The following EXOC6B variants were observed in gnomAD, a reference collection of about 807,000 sequenced individuals.
EXOC6B encodes the protein SEC15 homolog B.
In EXOC6B, 54 loss-of-function variants were observed where a neutral mutation model predicts 113.5. The observed-to-expected ratio is 0.48, with a 90% CI of 0.38 to 0.60. EXOC6B has a LOEUF of 0.60. EXOC6B is among the 20% of genes least tolerant of loss of function. EXOC6B has a pLI of 0.00. For missense variants in EXOC6B, 797 were observed against 977.5 expected, an observed-to-expected ratio of 0.82 and a Z score of 2.46; for synonymous variants, 357 against 339.0, an observed-to-expected ratio of 1.05 and a Z score of -0.58.
intron 20 of EXOC6B, among the ~76,000 whole-genome samples, chr2:72,216,628 A>G (rs1259776701): frequency 6.6e-6 from 1 of 152,206 alleles, no homozygotes; most frequent in African/African-American, 2.4e-5. Context: ...CACTATTCCA[A>G]TAGCAAAGAC....
intron 6 of EXOC6B, among the ~76,000 whole-genome samples, chr2:72,588,752 A>G (rs2103916063): frequency 6.6e-6 from 1 of 152,136 alleles, no homozygotes; most frequent in South Asian, 2.1e-4. Flanking sequence ...TCCAGATTAT[A>G]ATTAAATATT....
intron 1 of EXOC6B, among the ~76,000 whole-genome samples, chr2:72,766,170 G>A (rs1240076875): frequency 6.6e-6 from 1 of 152,188 alleles, no homozygotes; most frequent in Admixed American, 6.5e-5. Context: ...TGGAATGTCT[G>A]GAGGACAATA....
chr2:72,277,610 G>C (rs1026841142), intron 20 of EXOC6B, among the ~76,000 whole-genome samples: 1 of 151,894 alleles, frequency 6.6e-6, no homozygotes, highest in East Asian at 1.9e-4. Context: ...TTGTGCCTCA[G>C]CTTCCTGAGT....
intron 8 of EXOC6B, among the ~76,000 whole-genome samples, chr2:72,534,243 G>A (rs1399106833): frequency 1.3e-5 from 2 of 152,002 alleles, no homozygotes; most frequent in African/African-American, 4.8e-5. Context: ...TAATGAGCAT[G>A]TTATAACTTT....
chr2:72,520,601 T>G (rs1701433936), intron 8 of EXOC6B, among the ~76,000 whole-genome samples: 1 of 152,208 alleles, frequency 6.6e-6, no homozygotes, highest in Non-Finnish European at 1.5e-5. Context: ...GGTTTGCATT[T>G]AGCCCATTCA....
intron 20 of EXOC6B, among the ~76,000 whole-genome samples, chr2:72,264,112 C>A (rs1165861033): frequency 1.3e-5 from 2 of 152,198 alleles, no homozygotes; most frequent in Non-Finnish European, 2.9e-5. Flanking sequence ...ATGTCATATA[C>A]TGTATGCTCA....
At chr2:72,607,781 A>T (rs958111377) in intron 6 of EXOC6B, among the ~76,000 whole-genome samples, 1 of 152,146 alleles carries the variant, frequency 6.6e-6, no homozygotes, top group African/African-American at 2.4e-5. Context: ...TGGGTCAGTT[A>T]AACAGATATG....
chr2:72,317,331 T>A (rs1687580057), intron 20 of EXOC6B, among the ~76,000 whole-genome samples: 1 of 152,030 alleles, frequency 6.6e-6, no homozygotes, highest in South Asian at 2.1e-4. Flanking sequence ...AACCTATCGA[T>A]ACCTCCCTCT....
chr2:72,372,723 T>A (rs1288074347), intron 19 of EXOC6B, among the ~76,000 whole-genome samples: 3 of 152,060 alleles, frequency 2.0e-5, no homozygotes, highest in Non-Finnish European at 2.9e-5. Flanking sequence ...CACACACCTG[T>A]AGTCCCAGCT....
At position 72,718,325 on chromosome 2, in the gene EXOC6B, C is replaced by T. The variant is rs755952036; in HGVS notation, c.465-18G>A. The T allele has an allele frequency of 6.2e-7, 1 of 1,610,858 alleles. No homozygotes were observed. The highest frequency in any genetic ancestry group is 8.5e-7 in the Non-Finnish European group (1 of 1,177,610). On this transcript the variant is annotated intron_variant, in intron 5 of 21. Transcript: ENST00000272427. ...GATAATGCCTACAAAAGGAATTGAT[C>T]ACCTTTAGCTCACTCAGTTTTCTTT...
At chr2:72,686,937 G>A (rs1004994571) in intron 6 of EXOC6B, among the ~76,000 whole-genome samples, 1 of 152,056 alleles carries the variant, frequency 6.6e-6, no homozygotes, top group African/African-American at 2.4e-5. Flanking sequence ...AGGAGATGGA[G>A]ACCATCCTGC....
chr2:72,623,201 TCTC>T (rs1188798767), intron 6 of EXOC6B, among the ~76,000 whole-genome samples: 2 of 152,132 alleles, frequency 1.3e-5, no homozygotes, highest in Non-Finnish European at 2.9e-5. Flanking sequence ...TCCTGAGTAT[TCTC>T]CTCTTCTCAG....
chr2:72,533,170 G>T (rs1039890007), intron 8 of EXOC6B, among the ~76,000 whole-genome samples: 4 of 152,150 alleles, frequency 2.6e-5, no homozygotes, highest in Non-Finnish European at 5.9e-5. Flanking sequence ...CTGGCATTAT[G>T]AGGGCTATTT....
chr2:72,220,043 C>A (rs1680771565), intron 20 of EXOC6B, among the ~76,000 whole-genome samples: 1 of 152,048 alleles, frequency 6.6e-6, no homozygotes, highest in South Asian at 2.1e-4. Flanking sequence ...ACTTACTTCT[C>A]AGGGAAGCTG....
chr2:72,514,245 C>T (rs1701096034), intron 10 of EXOC6B, among the ~76,000 whole-genome samples: 1 of 152,082 alleles, frequency 6.6e-6, no homozygotes, highest in African/African-American at 2.4e-5. Context: ...GACCATATGG[C>T]CTACTAAGCC....
intron 6 of EXOC6B, among the ~76,000 whole-genome samples, chr2:72,623,429 G>GA (rs1447656895): frequency 6.6e-6 from 1 of 152,114 alleles, no homozygotes; most frequent in African/African-American, 2.4e-5. Context: ...AGTAAGTACA[G>GA]AAAAGGACAA....
At chr2:72,793,041 G>C (rs1014254805) in intron 1 of EXOC6B, among the ~76,000 whole-genome samples, 1 of 152,000 alleles carries the variant, frequency 6.6e-6, no homozygotes, top group Non-Finnish European at 1.5e-5. Context: ...TTTCATTGTT[G>C]TATAATATTC....
intron 6 of EXOC6B, among the ~76,000 whole-genome samples, chr2:72,623,886 G>A (rs1464045683): frequency 1.3e-5 from 2 of 152,072 alleles, no homozygotes; most frequent in East Asian, 1.9e-4. Flanking sequence ...TATGATAAAT[G>A]CACAATCCTG....
rs570163264 is a variant in EXOC6B, at chr2:72,255,192, T to C, written c.2197-71005A>G. The stretch of plus-strand genomic sequence containing the variant: ...ATCAATGCAGGACCCTTCTGTCTAG[T>C]GGCAGGGATCCCTGTGACATACACA... On this transcript the variant is annotated intron_variant, in intron 20 of 21. Coordinates refer to ENST00000272427, the MANE Select transcript of EXOC6B (RefSeq NM_015189.3). Among the ~76,000 whole-genome samples the C allele has an allele frequency of 5.9e-5, 9 of 152,298 alleles. 1 individual carries two copies. The highest frequency in any genetic ancestry group is 5.9e-4 in the Admixed American group (9 of 15,304).
Sources: allele counts gnomAD v4.1 joint callset (sites outside exome capture counted in the v4.1 genomes callset), GRCh38; gene constraint gnomAD v4.1.1; transcripts MANE v1.5; gene names NCBI Gene and HGNC (gene_info 2026-07-23, HGNC 2026-07-21).